The following WDR70 variants were observed in gnomAD, a reference collection of about 807,000 sequenced individuals.
WDR70 encodes the protein WD repeat-containing protein 70.
WDR70 carries 53 observed loss-of-function variants against 88.6 expected under a neutral mutation model. That is an observed-to-expected ratio of 0.60 (90% CI 0.48 to 0.75). The LOEUF (loss-of-function observed/expected upper bound fraction) is 0.75, where lower values mean the gene tolerates loss of function less well. Ranked by LOEUF, WDR70 falls within the 30% of genes least tolerant of loss-of-function variation. The pLI, the probability that WDR70 is intolerant of heterozygous loss-of-function variation, is 0.00. For missense variants in WDR70, 610 were observed against 823.2 expected (o/e 0.74, Z 3.17); for synonymous variants, 280 against 270.0 (o/e 1.04, Z -0.36).
intron 10 of WDR70, among the ~76,000 whole-genome samples, chr5:37,612,900 CCT>C (rs1000853119): frequency 1.3e-5 from 2 of 152,144 alleles, no homozygotes; most frequent in African/African-American, 4.8e-5. Context: ...CTTTAACATG[CCT>C]ATTTTCAATG....
chr5:37,428,392 A>G (rs2112014804), intron 5 of WDR70, among the ~76,000 whole-genome samples: 1 of 152,326 alleles, frequency 6.6e-6, no homozygotes, highest in East Asian at 1.9e-4. Context: ...CATTTCCAAA[A>G]ATGTTTCTTT....
intron 3 of WDR70, among the ~76,000 whole-genome samples, chr5:37,389,283 G>A (rs930897424): frequency 1.1e-4 from 15 of 134,268 alleles, no homozygotes; most frequent in Non-Finnish European, 1.8e-4. Flanking sequence ...AGTAGAGACA[G>A]GGTTTCACCT....
chr5:37,590,412 G>C (rs1743496594), intron 9 of WDR70, among the ~76,000 whole-genome samples: 1 of 152,156 alleles, frequency 6.6e-6, no homozygotes, highest in Admixed American at 6.5e-5. Context: ...AGTTGGGAGA[G>C]TGTGTTTTGA....
chr5:37,699,130 G>A (rs2112654105), intron 11 of WDR70, among the ~76,000 whole-genome samples: 1 of 152,108 alleles, frequency 6.6e-6, no homozygotes, highest in Admixed American at 6.5e-5. Flanking sequence ...GTATATCCAA[G>A]TCTCTGAGGT....
chr5:37,707,961 A>T, intron 13 of WDR70, among the ~76,000 whole-genome samples: 1 of 24,714 alleles, frequency 4.0e-5, no homozygotes. Context: ...ATATATATAT[A>T]TATATATATA....
chr5:37,703,126 A>G (rs1286299306), intron 13 of WDR70, 39 bp downstream of exon 13: 1 of 1,580,966 alleles, frequency 6.3e-7, no homozygotes, highest in East Asian at 2.3e-5. Flanking sequence ...GAGAATACAT[A>G]AAGTTTGCCT....
chr5:37,394,296 A>C (rs1022180088), intron 4 of WDR70, among the ~76,000 whole-genome samples: 74 of 152,156 alleles, frequency 4.9e-4, no homozygotes, highest in African/African-American at 1.6e-3. Flanking sequence ...AAAAAAAAAA[A>C]AAAAAAAAAT....
rs1744015071 is a variant in WDR70 at position 37,605,708 on chromosome 5, T to A, written c.1092+470T>A. 1.3e-5 allele frequency among the ~76,000 whole-genome samples: 2 copies of A among 152,138 alleles called. 1 individual carries two copies. The highest frequency in any genetic ancestry group is 1.3e-4 in the Admixed American group (2 of 15,274). On this transcript the variant is annotated intron_variant, in intron 10 of 17. Coordinates refer to ENST00000265107, the MANE Select transcript of WDR70 (RefSeq NM_018034.4). ...GTAATATTTTAATATTCTATGACATTTCATATAGATAGGTTTCAGGTTTTT... is the reference window on the plus strand; with the variant it reads ...GTAATATTTTAATATTCTATGACATATCATATAGATAGGTTTCAGGTTTTT...
At chr5:37,611,048 G>A (rs760664909) in intron 10 of WDR70, among the ~76,000 whole-genome samples, 1 of 152,152 alleles carries the variant, frequency 6.6e-6, no homozygotes, top group Non-Finnish European at 1.5e-5. Flanking sequence ...TGGCACTTGA[G>A]TCCCTGGGTG....
At position 37,469,065 on chromosome 5, in the gene WDR70, T is replaced by C. The variant is rs185237317; in HGVS notation, c.687-10769T>C. ...CTGACTATAAACAAAATATATATAA[T>C]AGGTGGTGGTAAGTACCGTGGAGAA... On this transcript the variant is annotated intron_variant, in intron 7 of 17. Transcript: ENST00000265107. Among the ~76,000 whole-genome samples, 5 of 152,286 alleles carry C rather than the reference T, an allele frequency of 3.3e-5. No individual in the cohort carries two copies. In the East Asian group the frequency reaches 9.6e-4, roughly 29 times the overall value.
intron 3 of WDR70, among the ~76,000 whole-genome samples, chr5:37,389,002 G>C (rs1380949355): frequency 2.6e-5 from 4 of 151,932 alleles, no homozygotes; most frequent in Non-Finnish European, 4.4e-5. Flanking sequence ...GATGAGCCTA[G>C]AGTACAAATG....
intron 5 of WDR70, among the ~76,000 whole-genome samples, chr5:37,410,754 G>GT (rs1168637405): frequency 6.6e-6 from 1 of 152,132 alleles, no homozygotes; most frequent in Non-Finnish European, 1.5e-5. Context: ...ATTCAAATGT[G>GT]TTTTTTCTTT....
At chr5:37,672,830 A>C (rs977256063) in intron 10 of WDR70, among the ~76,000 whole-genome samples, 1 of 152,084 alleles carries the variant, frequency 6.6e-6, no homozygotes, top group Non-Finnish European at 1.5e-5. Flanking sequence ...TTCTTTTCTC[A>C]GTCTCTCGTC....
intron 10 of WDR70, among the ~76,000 whole-genome samples, chr5:37,675,290 A>C (rs955313610): frequency 6.6e-6 from 1 of 152,106 alleles, no homozygotes; most frequent in African/African-American, 2.4e-5. Context: ...TTGGTGTTTT[A>C]GACATGAAGT....
intron 5 of WDR70, among the ~76,000 whole-genome samples, chr5:37,418,221 T>TATTTC (rs1291880208): frequency 6.6e-6 from 1 of 152,240 alleles, no homozygotes; most frequent in African/African-American, 2.4e-5. Context: ...TATTTTATTT[T>TATTTC]ATTTTATTCA....
chr5:37,691,657 A>G (rs558231945), intron 10 of WDR70, among the ~76,000 whole-genome samples: 1 of 152,340 alleles, frequency 6.6e-6, no homozygotes, highest in South Asian at 2.1e-4. Flanking sequence ...TGTTCTTTGA[A>G]CCAATGAGAA....
intron 10 of WDR70, among the ~76,000 whole-genome samples, chr5:37,642,368 A>C (rs1745126798): frequency 6.6e-6 from 1 of 152,206 alleles, no homozygotes; most frequent in African/African-American, 2.4e-5. Context: ...GGAAAATAAG[A>C]ATATTTATAT....
chr5:37,498,758 A>C (rs192012498), intron 8 of WDR70, among the ~76,000 whole-genome samples: 1 of 152,226 alleles, frequency 6.6e-6, no homozygotes, highest in South Asian at 2.1e-4. Context: ...TACCATTGGC[A>C]AAATATGTCT....
intron 3 of WDR70, among the ~76,000 whole-genome samples, chr5:37,384,990 G>A (rs888700690): frequency 3.9e-5 from 6 of 152,248 alleles, no homozygotes; most frequent in Non-Finnish European, 7.3e-5. Flanking sequence ...TCCCATGACC[G>A]CTCTTTTTGG....
Sources: allele counts gnomAD v4.1 joint callset (sites outside exome capture counted in the v4.1 genomes callset), GRCh38; gene constraint gnomAD v4.1.1; transcripts MANE v1.5; gene names NCBI Gene and HGNC (gene_info 2026-07-23, HGNC 2026-07-21).